Variants in RGS7 observed in about 807,000 individuals in gnomAD.
RGS7 encodes the protein regulator of G-protein signaling 7.
In RGS7, 27 loss-of-function variants were observed where a neutral mutation model predicts 81.1. The ratio of observed to expected loss-of-function variants is 0.33; its 90% CI spans 0.25 to 0.46. The LOEUF (loss-of-function observed/expected upper bound fraction) is 0.46. Ranked by LOEUF, RGS7 falls within the 20% of genes least tolerant of loss-of-function variation. The pLI is 1.00. For missense variants in RGS7, 396 were observed against 607.4 expected (o/e 0.65, Z 3.66); for synonymous variants, 208 against 207.7 (o/e 1.00, Z -0.01).
At chr1:240,837,370 T>C (rs140021498) in intron 9 of RGS7, among the ~76,000 whole-genome samples, 14 of 152,316 alleles carry the variant, frequency 9.2e-5, no homozygotes, top group South Asian at 8.3e-4. Flanking sequence ...AGAGTTTCAA[T>C]TGGATGAGAA....
chr1:240,971,224 G>A (rs73123710), intron 4 of RGS7, among the ~76,000 whole-genome samples: 4,009 of 152,186 alleles, frequency 0.026, 167 homozygotes, highest in African/African-American at 0.091. Flanking sequence ...CCAGAACGCA[G>A]ACCCTCAGCA....
At chr1:241,206,624 C>T (rs1034898547) in intron 2 of RGS7, among the ~76,000 whole-genome samples, 3 of 152,114 alleles carry the variant, frequency 2.0e-5, no homozygotes, top group Non-Finnish European at 2.9e-5. Context: ...CATCTATGTG[C>T]CCAATCTTAT....
At chr1:241,331,738 C>A (rs914254427) in intron 2 of RGS7, among the ~76,000 whole-genome samples, 3 of 152,116 alleles carry the variant, frequency 2.0e-5, no homozygotes, top group Non-Finnish European at 4.4e-5. Flanking sequence ...GAAATTTGAC[C>A]AGGAATGTTT....
chr1:240,829,665 C>T (rs905339229), intron 9 of RGS7, among the ~76,000 whole-genome samples: 1 of 152,050 alleles, frequency 6.6e-6, no homozygotes, highest in African/African-American at 2.4e-5. Flanking sequence ...GGTGCAGTGG[C>T]TTATGCCTGT....
chr1:240,862,953 GTGTT>G (rs1470848776), intron 9 of RGS7, among the ~76,000 whole-genome samples: 1 of 151,296 alleles, frequency 6.6e-6, no homozygotes, highest in African/African-American at 2.4e-5. Flanking sequence ...GTGTGTGTGT[GTGTT>G]TGTGTGTGTA....
At chr1:240,816,001 A>G (rs1043838366) in intron 11 of RGS7, among the ~76,000 whole-genome samples, 31 of 152,248 alleles carry the variant, frequency 2.0e-4, no homozygotes, top group African/African-American at 7.5e-4. Flanking sequence ...AGAGCTTTGG[A>G]GTACAAAGTA....
At chr1:241,032,958 G>A (rs1306149458) in intron 3 of RGS7, among the ~76,000 whole-genome samples, 1 of 143,404 alleles carries the variant, frequency 7.0e-6, no homozygotes, top group Non-Finnish European at 1.6e-5. Context: ...TTTCCAATTT[G>A]GATGCGTTTT....
At chr1:241,318,496 G>C (rs549660242) in intron 2 of RGS7, among the ~76,000 whole-genome samples, 1 of 149,424 alleles carries the variant, frequency 6.7e-6, no homozygotes, top group East Asian at 2.0e-4. Context: ...CACTCTTGTT[G>C]CCCAGGCTGG....
At chr1:241,127,642 T>C (rs113483797) in intron 2 of RGS7, among the ~76,000 whole-genome samples, 13 of 152,066 alleles carry the variant, frequency 8.5e-5, no homozygotes, top group Non-Finnish European at 4.4e-5. Context: ...TGTATACATA[T>C]GTAACAAACC....
chr1:241,018,833 C>G (rs866254258), intron 3 of RGS7, among the ~76,000 whole-genome samples: 1 of 152,080 alleles, frequency 6.6e-6, no homozygotes, highest in African/African-American at 2.4e-5. Context: ...ATGTCATATA[C>G]CCTGATAATT....
intron 2 of RGS7, among the ~76,000 whole-genome samples, chr1:241,126,088 G>A (rs182890420): frequency 2.4e-4 from 36 of 152,154 alleles, no homozygotes; most frequent in Admixed American, 1.9e-3. Flanking sequence ...AAATGTGGCA[G>A]CTTTTGCTCT....
chr1:241,173,978 C>T (rs999965802), intron 2 of RGS7, among the ~76,000 whole-genome samples: 2 of 152,150 alleles, frequency 1.3e-5, no homozygotes, highest in Non-Finnish European at 2.9e-5. Context: ...AAGCACCATT[C>T]ATGCTTCTGA....
chr1:240,792,155 C>A (rs1686117692), intron 18 of RGS7, among the ~76,000 whole-genome samples: 1 of 152,178 alleles, frequency 6.6e-6, no homozygotes, highest in South Asian at 2.1e-4. Flanking sequence ...AGCTAATGGT[C>A]ATATATAACA....
At chr1:241,315,101 C>CT (rs2080787765) in intron 2 of RGS7, among the ~76,000 whole-genome samples, 1 of 52,072 alleles carries the variant, frequency 1.9e-5, no homozygotes, top group African/African-American at 7.7e-5. Flanking sequence ...TTTTTTTCTT[C>CT]TTCTTCTTTT....
intron 2 of RGS7, among the ~76,000 whole-genome samples, chr1:241,331,402 C>T (rs1373541328): frequency 6.6e-6 from 1 of 152,044 alleles, no homozygotes; most frequent in Non-Finnish European, 1.5e-5. Context: ...TTGGCATGTT[C>T]CTTAACTTCT....
chr1:241,080,533 G>A (rs545957058), intron 3 of RGS7, among the ~76,000 whole-genome samples: 1 of 152,174 alleles, frequency 6.6e-6, no homozygotes, highest in Admixed American at 6.5e-5. Flanking sequence ...CTCTGGAGGT[G>A]GTAATAAAGT....
chr1:241,215,517 C>T (rs2074492040), intron 2 of RGS7, among the ~76,000 whole-genome samples: 1 of 152,214 alleles, frequency 6.6e-6, no homozygotes. Context: ...AGTTTACGTT[C>T]ATATTGTGCA....
intron 9 of RGS7, among the ~76,000 whole-genome samples, chr1:240,856,084 A>T (rs1488849743): frequency 1.3e-5 from 2 of 148,478 alleles, no homozygotes; most frequent in Non-Finnish European, 2.9e-5. Context: ...GAATATCAAA[A>T]TTTATTTATC....
chr1:241,247,939 C>A lies in RGS7; in HGVS notation c.78+107760G>T, dbSNP rs149309175. On this transcript the variant is annotated intron_variant, in intron 2 of 18. Coordinates refer to ENST00000440928, the MANE Select transcript of RGS7 (RefSeq NM_001364886.1). Reference sequence around the variant, plus strand: ...TGATGTAAATAACTCTCTATATGGTCAAGCTGATGGATAGTGTTTCTTGAG... The same window carrying A: ...TGATGTAAATAACTCTCTATATGGTAAAGCTGATGGATAGTGTTTCTTGAG... Among the ~76,000 whole-genome samples the A allele has an allele frequency of 2.3e-3, 353 of 152,288 alleles. 4 individuals are homozygous for A. The highest frequency in any genetic ancestry group is 8.0e-3 in the African/African-American group (332 of 41,552).
Sources: allele counts gnomAD v4.1 joint callset (sites outside exome capture counted in the v4.1 genomes callset), GRCh38; gene constraint gnomAD v4.1.1; transcripts MANE v1.5; gene names NCBI Gene and HGNC (gene_info 2026-07-23, HGNC 2026-07-21).